SMARCA1: variants seen among roughly 807,000 people sequenced by gnomAD.
SMARCA1 encodes SWI/SNF-related matrix-associated actin-dependent regulator of chromatin subfamily A member 1.
SMARCA1 carries 17 observed loss-of-function variants against 93.6 expected under a neutral mutation model. That is an observed-to-expected ratio of 0.18 (90% CI 0.12 to 0.27). The LOEUF (loss-of-function observed/expected upper bound fraction) is 0.27. SMARCA1 is among the 10% of genes least tolerant of loss of function. The pLI is 1.00. For missense variants in SMARCA1, 630 were observed against 819.0 expected (o/e 0.77, Z 2.82); for synonymous variants, 271 against 271.4 (o/e 1.00, Z 0.01).
In SMARCA1 at chrX:129,474,656, A is replaced by G. The variant is rs753376206; in HGVS notation, c.2443-3330T>C. Among the ~76,000 whole-genome samples the G allele has an allele frequency of 1.9e-3, 212 of 112,121 alleles. 4 individuals are homozygous for G. The Middle Eastern group carries it at 0.023, about 12-fold the overall frequency. On this transcript the variant is annotated intron_variant, in intron 19 of 24. Coordinates refer to ENST00000371121, the MANE Select transcript of SMARCA1 (RefSeq NM_001282874.2). ...CATGAAAGCTATGTTTGCTATTTTAATTCTAGAAATTACTCAAATAGCTGC... is the reference window on the plus strand; with the variant it reads ...CATGAAAGCTATGTTTGCTATTTTAGTTCTAGAAATTACTCAAATAGCTGC...
At chrX:129,486,308 T>C (rs1933881050) in intron 17 of SMARCA1, among the ~76,000 whole-genome samples, 1 of 110,952 alleles carries the variant, frequency 9.0e-6, no homozygotes, top group Non-Finnish European at 1.9e-5. Flanking sequence ...TACTAACATG[T>C]AAATTGTTAA....
At chrX:129,522,828 AGAGG>A (rs1045471273) in intron 1 of SMARCA1, among the ~76,000 whole-genome samples, 4 of 111,162 alleles carry the variant, frequency 3.6e-5, no homozygotes, top group African/African-American at 6.5e-5. Flanking sequence ...GAGCGAGAGG[AGAGG>A]GAGAGGCGGA....
At chrX:129,451,927 TCTC>T (rs1320744919) in intron 23 of SMARCA1, among the ~76,000 whole-genome samples, 1 of 111,349 alleles carries the variant, frequency 9.0e-6, no homozygotes, top group African/African-American at 3.3e-5. Context: ...ATGGTCTCGA[TCTC>T]CTGATCTTGT....
intron 1 of SMARCA1, among the ~76,000 whole-genome samples, chrX:129,519,114 G>T (rs1243420619): frequency 9.0e-6 from 1 of 111,390 alleles, no homozygotes; most frequent in East Asian, 2.8e-4. Flanking sequence ...ATTTGTCAAG[G>T]CTACTTAACT....
intron 23 of SMARCA1, among the ~76,000 whole-genome samples, chrX:129,462,136 T>A (rs1276223465): frequency 8.9e-6 from 1 of 112,139 alleles, no homozygotes; most frequent in Non-Finnish European, 1.9e-5. Context: ...ACTATTCATG[T>A]CTCTGAGAAA....
At chrX:129,462,610 C>T (rs1200425841) in intron 23 of SMARCA1, among the ~76,000 whole-genome samples, 6 of 110,520 alleles carry the variant, frequency 5.4e-5, no homozygotes, top group Non-Finnish European at 9.5e-5. Context: ...AAATTTAATA[C>T]GATAGAAAAA....
intron 23 of SMARCA1, among the ~76,000 whole-genome samples, chrX:129,464,475 G>A (rs1457277002): frequency 8.9e-6 from 1 of 112,417 alleles, no homozygotes; most frequent in Non-Finnish European, 1.9e-5. Context: ...CATTAAAAAT[G>A]TGTTGCATGT....
intron 18 of SMARCA1, 125 bp from the exon 19 acceptor site, chrX:129,480,939 C>A (rs1933627102): frequency 1.8e-6 from 1 of 563,875 alleles, no homozygotes. Context: ...TATGGCTGGG[C>A]CAAATCAGAT....
intron 21 of SMARCA1, among the ~76,000 whole-genome samples, chrX:129,467,938 G>GT (rs1373577852): frequency 1.8e-5 from 2 of 112,254 alleles, no homozygotes; most frequent in Non-Finnish European, 3.8e-5. Context: ...CAAATGATAA[G>GT]TTTAAGAGCT....
At chrX:129,478,551 C>A (rs967259105) in intron 19 of SMARCA1, among the ~76,000 whole-genome samples, 2 of 111,070 alleles carry the variant, frequency 1.8e-5, no homozygotes, top group African/African-American at 6.6e-5. Context: ...ATTCCTCCAT[C>A]TTCTGAGGTT....
chrX:129,496,246 A>T (rs1210572574), intron 12 of SMARCA1, among the ~76,000 whole-genome samples: 1 of 104,166 alleles, frequency 9.6e-6, no homozygotes, highest in Non-Finnish European at 1.9e-5. Flanking sequence ...AAATACCTAT[A>T]CCTATTTTGT....
At position 129,515,735 on chromosome X, in the gene SMARCA1, C is replaced by T. The variant is rs776556397; in HGVS notation, c.582G>A (p.Leu194=). ...RDYQIRGLNW[L]ISLYENGVNG... ...TGACTCCATTTTCATATAAAGAGAT[C>T]AACCAATTCAGTCCTCGAATCTGAT... The change falls in exon 5 of 25, where the codon TTG becomes TTA. Residue 194 remains leucine, a synonymous_variant. Transcript: ENST00000371121. 1 of 1,205,839 alleles carries T rather than the reference C, an allele frequency of 8.3e-7. No homozygotes were observed. The highest frequency in any genetic ancestry group is 1.1e-6 in the Non-Finnish European group (1 of 891,576).
At chrX:129,457,816 A>G (rs776022530) in intron 23 of SMARCA1, among the ~76,000 whole-genome samples, 29 of 112,072 alleles carry the variant, frequency 2.6e-4, no homozygotes, top group African/African-American at 9.1e-4. Flanking sequence ...TTCCTATTCC[A>G]TATGACAATC....
intron 5 of SMARCA1, among the ~76,000 whole-genome samples, chrX:129,513,885 T>C (rs946334383): frequency 8.9e-6 from 1 of 112,304 alleles, no homozygotes; most frequent in East Asian, 2.8e-4. Flanking sequence ...CTAGACGCCA[T>C]AGGGCACGTA....
At chrX:129,454,337 C>T (rs1569422731) in intron 23 of SMARCA1, among the ~76,000 whole-genome samples, 1 of 112,283 alleles carries the variant, frequency 8.9e-6, no homozygotes, top group African/African-American at 3.2e-5. Flanking sequence ...ACCATAAAAA[C>T]CTTACAAGAA....
chrX:129,488,334 C>G (rs1193121252), intron 16 of SMARCA1, among the ~76,000 whole-genome samples: 1 of 104,133 alleles, frequency 9.6e-6, no homozygotes, highest in Admixed American at 1.0e-4. Flanking sequence ...CCTGGTCAGG[C>G]ATGGTGGCTC....
chrX:129,522,034 C>T (rs1935410329), intron 1 of SMARCA1, among the ~76,000 whole-genome samples: 1 of 111,811 alleles, frequency 8.9e-6, no homozygotes, highest in Admixed American at 9.5e-5. Flanking sequence ...TAATTACCCA[C>T]CTTTTTAAAA....
chrX:129,523,229 C>G lies in SMARCA1; in HGVS notation c.142G>C (p.Ala48Pro). ...TTCTTCTCGCCCTTCTCCGTGGCCGCGGTGGCTTCGGTGGCCGCGGCGGCC... is the reference window on the plus strand; with the variant it reads ...TTCTTCTCGCCCTTCTCCGTGGCCGGGGTGGCTTCGGTGGCCGCGGCGGCC... ...GAAAAATEAT[A>P]ATEKGEKKKE... is the part of the protein sequence containing the mutation. The change falls in exon 1 of 25, where the codon GCG (alanine) becomes CCG (proline). Residue 48 changes from alanine (A) to proline (P), a missense_variant. Around this residue, in one of 4 missense-constraint regions of SMARCA1, gnomAD observed 103 missense variants for 82.0 expected, o/e 1.26. Transcript: ENST00000371121. The G allele has an allele frequency of 1.7e-6, 2 of 1,211,115 alleles. No homozygotes were observed. Among genetic ancestry groups the G allele is most frequent in the Non-Finnish European group, 2.2e-6 (2 of 895,175 alleles).
chrX:129,522,256 C>T (rs1935416966), intron 1 of SMARCA1, among the ~76,000 whole-genome samples: 1 of 108,765 alleles, frequency 9.2e-6, no homozygotes, highest in Admixed American at 9.8e-5. Context: ...TGTGTCAGAG[C>T]AGTTCCCTTA....
Sources: gnomAD v4.1 joint callset for allele counts (sites outside exome capture counted in the v4.1 genomes callset) on GRCh38, gnomAD v4.1.1 for gene constraint, gnomAD v4.1.1 regional missense constraint, MANE v1.5 for transcripts, NCBI Gene and HGNC (gene_info 2026-07-23, HGNC 2026-07-21) for gene names.